The following TAF3 variants were observed in gnomAD, a reference collection of about 807,000 sequenced individuals.
TAF3 encodes transcription initiation factor TFIID subunit 3.
TAF3 carries 7 observed loss-of-function variants against 80.6 expected under a neutral mutation model. That is an observed-to-expected ratio of 0.09 (90% CI 0.05 to 0.16). The LOEUF (loss-of-function observed/expected upper bound fraction) is 0.16, where lower values mean the gene tolerates loss of function less well. TAF3 is among the 10% of genes least tolerant of loss of function. The probability of loss-of-function intolerance (pLI) is 1.00; values close to 1 mark genes in which losing one functional copy is unlikely to be tolerated. For missense variants in TAF3, 921 were observed against 1,140.2 expected (o/e 0.81, Z 2.77); for synonymous variants, 444 against 446.1 (o/e 1.00, Z 0.06).
chr10:7,908,244 TG>T (rs1310493039), intron 2 of TAF3, among the ~76,000 whole-genome samples: 1 of 152,142 alleles, frequency 6.6e-6, no homozygotes, highest in Non-Finnish European at 1.5e-5. Context: ...GGCCTAGTGG[TG>T]GGGATCTTTG....
intron 2 of TAF3, among the ~76,000 whole-genome samples, chr10:7,911,795 T>C (rs1296010643): frequency 1.3e-5 from 2 of 152,240 alleles, no homozygotes; most frequent in African/African-American, 4.8e-5. Flanking sequence ...TTTGGGAACA[T>C]TGAGCTTCCA....
At position 7,824,471 on chromosome 10, in the gene TAF3, T is replaced by C; in HGVS notation, c.320T>C (p.Leu107Pro). The C allele has an allele frequency of 6.2e-7, 1 of 1,614,164 alleles. No homozygotes were observed. Among genetic ancestry groups the C allele is most frequent in the Non-Finnish European group, 8.5e-7 (1 of 1,180,022 alleles). The part of the protein sequence containing the change: ...PSFPVSKNNV[L>P]QFPQPGSKDA... The stretch of plus-strand genomic sequence containing the variant: ...TTTCCTGTTAGCAAGAACAATGTAC[T>C]TCAGTTTCCTCAACCTGGAAGTAAA... The change falls in exon 2 of 7, where the codon CTT becomes CCT. Residue 107 changes from leucine (L) to proline (P), a missense_variant. Physicochemically the swap from Leu to Pro is moderately conservative, Grantham distance 98 (BLOSUM62 -3). This residue lies in a region of TAF3 where 106 missense variants were observed against 191.8 expected (regional missense o/e 0.55). Coordinates refer to ENST00000344293, the MANE Select transcript of TAF3 (RefSeq NM_031923.4).
intron 2 of TAF3, among the ~76,000 whole-genome samples, chr10:7,877,922 A>C (rs1837325662): frequency 3.9e-5 from 6 of 152,208 alleles, no homozygotes; most frequent in Admixed American, 3.9e-4. Flanking sequence ...ACGGCAATTC[A>C]GATCTCAAAT....
chr10:7,965,533 C>G lies in TAF3; in HGVS notation c.2023C>G (p.Pro675Ala). ...CAGCCCTGCCACAGCCTCCAGGGTC[C>G]CAGCCATGCTGCCATCTTTGTTGCC... ...LFSPATASRV[P>A]AMLPSLLPVL... Residue 675 changes from proline (P) to alanine (A), a missense_variant, in exon 3 of 7, where the codon CCA (proline) becomes GCA (alanine). Pro to Ala is a conservative substitution (Grantham distance 27). Coordinates refer to ENST00000344293, the MANE Select transcript of TAF3 (RefSeq NM_031923.4). 6.2e-7 allele frequency: 1 copy of G among 1,602,416 alleles called. No homozygotes were observed. The highest frequency in any genetic ancestry group is 8.5e-7 in the Non-Finnish European group (1 of 1,177,300).
intron 4 of TAF3, among the ~76,000 whole-genome samples, chr10:8,005,233 T>TA (rs1244375851): frequency 5.3e-5 from 8 of 152,270 alleles, no homozygotes; most frequent in African/African-American, 1.9e-4. Context: ...CTCTTCATAC[T>TA]AGCTGTTATT....
intron 2 of TAF3, among the ~76,000 whole-genome samples, chr10:7,950,020 C>A (rs529724657): frequency 6.6e-5 from 10 of 152,282 alleles, no homozygotes; most frequent in African/African-American, 2.2e-4. Flanking sequence ...ATGGTGAAAT[C>A]GTTTCTCTCA....
chr10:7,844,988 A>G (rs571132154), intron 2 of TAF3, among the ~76,000 whole-genome samples: 97 of 152,312 alleles, frequency 6.4e-4, no homozygotes, highest in African/African-American at 2.3e-3. Context: ...TCCTTATGAT[A>G]AATTCCCAGG....
chr10:7,910,630 C>T (rs1002549622), intron 2 of TAF3, among the ~76,000 whole-genome samples: 2 of 152,168 alleles, frequency 1.3e-5, no homozygotes, highest in African/African-American at 4.8e-5. Flanking sequence ...ATCCACCCAC[C>T]TCGGCCTCCC....
chr10:7,959,163 C>A (rs200849436), intron 2 of TAF3, among the ~76,000 whole-genome samples: 2,333 of 96,210 alleles, frequency 0.024, 29 homozygotes, highest in South Asian at 0.058. Flanking sequence ...CACACACACA[C>A]AAAAAAAGTT....
chr10:7,990,227 G>A (rs1486914898), intron 4 of TAF3, among the ~76,000 whole-genome samples: 3 of 152,150 alleles, frequency 2.0e-5, no homozygotes, highest in African/African-American at 7.2e-5. Context: ...CTTGAGAGTC[G>A]CTAATGCCAT....
chr10:7,896,439 AG>A (rs1837505030), intron 2 of TAF3, among the ~76,000 whole-genome samples: 1 of 152,172 alleles, frequency 6.6e-6, no homozygotes, highest in African/African-American at 2.4e-5. Flanking sequence ...TTTGTCTTTG[AG>A]ACCACCACTT....
At chr10:7,961,764 A>G (rs1831501724) in intron 2 of TAF3, among the ~76,000 whole-genome samples, 1 of 152,148 alleles carries the variant, frequency 6.6e-6, no homozygotes, top group African/African-American at 2.4e-5. Flanking sequence ...GGATTGAGCT[A>G]ATAATCATTG....
At chr10:7,970,947 T>A (rs955190059) in intron 3 of TAF3, among the ~76,000 whole-genome samples, 3 of 151,834 alleles carry the variant, frequency 2.0e-5, no homozygotes, top group Non-Finnish European at 4.4e-5. Flanking sequence ...AAATGAAGGG[T>A]TTTTTTTGTA....
intron 3 of TAF3, among the ~76,000 whole-genome samples, chr10:7,976,070 T>C (rs1251376808): frequency 1.3e-5 from 2 of 152,164 alleles, no homozygotes; most frequent in Non-Finnish European, 2.9e-5. Flanking sequence ...AAAATGTTGA[T>C]TATATGATCT....
At chr10:7,840,126 T>C (rs1836896184) in intron 2 of TAF3, among the ~76,000 whole-genome samples, 1 of 152,044 alleles carries the variant, frequency 6.6e-6, no homozygotes. Flanking sequence ...ATTAACAAAG[T>C]AATTCTATGA....
In TAF3 at chr10:8,009,348, G is replaced by A. The variant is rs375253688; in HGVS notation, c.2568+18G>A. On this transcript the variant is annotated intron_variant, in intron 5 of 6. Coordinates refer to ENST00000344293, the MANE Select transcript of TAF3 (RefSeq NM_031923.4). The surrounding 1 kb of genome is among the most constrained non-coding windows in gnomAD (Gnocchi z 4.1). ...CCTACGTGGTGCGTACCTGCCGCCC[G>A]CGCGGTTAGCATGGAGACGTTTTCA... 21 of 1,584,474 alleles carry A rather than the reference G, an allele frequency of 1.3e-5. No individual in the cohort carries two copies. The highest frequency in any genetic ancestry group is 1.2e-4 in the East Asian group (5 of 41,976).
At chr10:7,986,909 G>C (rs1413706656) in intron 4 of TAF3, among the ~76,000 whole-genome samples, 1 of 152,134 alleles carries the variant, frequency 6.6e-6, no homozygotes, top group East Asian at 1.9e-4. Context: ...GGCTTTCAAA[G>C]AACAGATTAA....
At chr10:7,850,086 G>A (rs1376728133) in intron 2 of TAF3, among the ~76,000 whole-genome samples, 3 of 152,152 alleles carry the variant, frequency 2.0e-5, no homozygotes, top group African/African-American at 4.8e-5. Flanking sequence ...ATAGATCCTC[G>A]TATTTCCTGA....
At chr10:7,828,428 T>A (rs550770197) in intron 2 of TAF3, among the ~76,000 whole-genome samples, 13 of 152,284 alleles carry the variant, frequency 8.5e-5, no homozygotes, top group African/African-American at 3.1e-4. Flanking sequence ...TCTGATTATA[T>A]GTTTAGAAGT....
Sources: gnomAD v4.1 joint callset for allele counts (sites outside exome capture counted in the v4.1 genomes callset) on GRCh38, gnomAD v4.1.1 for gene constraint, gnomAD v4.1.1 regional missense constraint, Gnocchi (gnomAD v3.1) non-coding constraint, MANE v1.5 for transcripts, NCBI Gene and HGNC (gene_info 2026-07-23, HGNC 2026-07-21) for gene names.